P2RY14: variants seen among roughly 807,000 people sequenced by gnomAD.
The protein encoded by P2RY14 is P2Y purinoceptor 14.
A neutral mutation model predicts 0.9 loss-of-function variants in P2RY14; 2 were observed. The observed-to-expected ratio is 2.16, with a 90% CI of 0.88 to 6.79. The LOEUF (loss-of-function observed/expected upper bound fraction) is 6.79. Among genes scored for constraint, P2RY14 ranks in the 30% most tolerant of loss-of-function variants. The pLI, the probability that P2RY14 is intolerant of heterozygous loss-of-function variation, is 0.05. For synonymous variants in P2RY14, 158 were observed against 147.2 expected (o/e 1.07, Z -0.53); for missense variants, 378 against 400.1 (o/e 0.94, Z 0.47).
intron 1 of P2RY14, among the ~76,000 whole-genome samples, chr3:151,275,122 A>G (rs1329113784): frequency 6.6e-6 from 1 of 152,142 alleles, no homozygotes; most frequent in Non-Finnish European, 1.5e-5. Context: ...TCTGCTTGGT[A>G]TAAATGGCTC....
intron 1 of P2RY14, among the ~76,000 whole-genome samples, chr3:151,231,775 A>G (rs1261444627): frequency 6.6e-4 from 100 of 152,226 alleles, no homozygotes; most frequent in Admixed American, 6.5e-3. Flanking sequence ...AATATTACTG[A>G]GTAATAATCT....
At chr3:151,225,700 A>G (rs1201283804) in intron 1 of P2RY14, among the ~76,000 whole-genome samples, 1 of 152,138 alleles carries the variant, frequency 6.6e-6, no homozygotes, top group Non-Finnish European at 1.5e-5. Flanking sequence ...AGGCTCAGTC[A>G]AGGAGAATCT....
chr3:151,248,922 A>G (rs1265002636), intron 1 of P2RY14: 8 of 152,206 alleles, frequency 5.3e-5, no homozygotes, highest in African/African-American at 1.9e-4. Context: ...AACTGAGTGT[A>G]GCATTTGATG....
At chr3:151,236,321 C>T (rs949276068) in intron 1 of P2RY14, among the ~76,000 whole-genome samples, 4 of 152,182 alleles carry the variant, frequency 2.6e-5, no homozygotes, top group Non-Finnish European at 4.4e-5. Flanking sequence ...CTTCAATGTG[C>T]ATAGTAGATT....
At chr3:151,234,901 A>G (rs775545427) in intron 1 of P2RY14, among the ~76,000 whole-genome samples, 4 of 152,164 alleles carry the variant, frequency 2.6e-5, no homozygotes, top group South Asian at 2.1e-4. Context: ...TCTTTTACCT[A>G]TAATAAGAAT....
chr3:151,267,808 C>G (rs553755335), intron 1 of P2RY14, among the ~76,000 whole-genome samples: 1 of 152,070 alleles, frequency 6.6e-6, no homozygotes, highest in Non-Finnish European at 1.5e-5. Flanking sequence ...AAGAAAGGAA[C>G]CTTGCTAAAA....
At chr3:151,227,709 A>C (rs1730818935) in intron 1 of P2RY14, among the ~76,000 whole-genome samples, 1 of 152,208 alleles carries the variant, frequency 6.6e-6, no homozygotes, top group South Asian at 2.1e-4. Context: ...GAAAATGGCC[A>C]CCCACTGTTA....
At chr3:151,265,582 C>G (rs1739675465) in intron 1 of P2RY14, among the ~76,000 whole-genome samples, 1 of 152,164 alleles carries the variant, frequency 6.6e-6, no homozygotes, top group African/African-American at 2.4e-5. Flanking sequence ...CAGGGTTTCT[C>G]TCTAAGAAAA....
At chr3:151,275,549 C>A (rs1482033617) in intron 1 of P2RY14, among the ~76,000 whole-genome samples, 1 of 152,142 alleles carries the variant, frequency 6.6e-6, no homozygotes, top group Admixed American at 6.6e-5. Context: ...TTCACTTTGA[C>A]TTTAAAGAAC....
chr3:151,243,240 C>T (rs1383858083), intron 1 of P2RY14, among the ~76,000 whole-genome samples: 2 of 151,768 alleles, frequency 1.3e-5, no homozygotes, highest in East Asian at 1.9e-4. Flanking sequence ...GGCAGGCCAA[C>T]GTTCAGATTC....
chr3:151,214,630 CT>C (rs147953409), intron 2 of P2RY14, among the ~76,000 whole-genome samples: 1 of 149,266 alleles, frequency 6.7e-6, no homozygotes, highest in African/African-American at 2.5e-5. Context: ...TTCCTTCTTC[CT>C]TTTTTTTGGG....
At chr3:151,257,182 G>A (rs1195995645) in intron 1 of P2RY14, among the ~76,000 whole-genome samples, 2 of 152,178 alleles carry the variant, frequency 1.3e-5, no homozygotes, top group East Asian at 1.9e-4. Flanking sequence ...CGCCTGGAAA[G>A]CATATTTATG....
chr3:151,232,697 A>G (rs1474552099), intron 1 of P2RY14, among the ~76,000 whole-genome samples: 3 of 152,202 alleles, frequency 2.0e-5, no homozygotes, highest in African/African-American at 7.2e-5. Flanking sequence ...CAGAAAACCA[A>G]ATACCACATG....
At chr3:151,233,190 G>A (rs1732045325) in intron 1 of P2RY14, among the ~76,000 whole-genome samples, 3 of 152,070 alleles carry the variant, frequency 2.0e-5, no homozygotes, top group East Asian at 1.9e-4. Context: ...TGACGAGCCC[G>A]GCTGCCTCAC....
intron 1 of P2RY14, among the ~76,000 whole-genome samples, chr3:151,222,349 T>C (rs758830224): frequency 1.3e-5 from 2 of 152,198 alleles, no homozygotes; most frequent in Non-Finnish European, 2.9e-5. Flanking sequence ...TGTGAAGATA[T>C]GAGATTTGGG....
intron 2 of P2RY14, among the ~76,000 whole-genome samples, chr3:151,216,487 T>C (rs1728249240): frequency 6.6e-6 from 1 of 152,244 alleles, no homozygotes; most frequent in Non-Finnish European, 1.5e-5. Flanking sequence ...TGTGTGCTGC[T>C]TCCTACACAA....
At chr3:151,233,861 G>A (rs1314321668) in intron 1 of P2RY14, among the ~76,000 whole-genome samples, 1 of 152,198 alleles carries the variant, frequency 6.6e-6, no homozygotes, top group Non-Finnish European at 1.5e-5. Context: ...CCTGAATTGT[G>A]TGTTTTTTAT....
intron 2 of P2RY14, among the ~76,000 whole-genome samples, chr3:151,218,540 A>G (rs1020440759): frequency 1.3e-5 from 2 of 152,182 alleles, no homozygotes; most frequent in African/African-American, 4.8e-5. Context: ...GATCACATTT[A>G]AGAAAGATTC....
intron 1 of P2RY14, among the ~76,000 whole-genome samples, chr3:151,238,312 A>G (rs1267305095): frequency 6.6e-6 from 1 of 152,028 alleles, no homozygotes; most frequent in Non-Finnish European, 1.5e-5. Context: ...TTGGCCGGCT[A>G]ATTTTTGCAT....
Sources: gnomAD v4.1 joint callset for allele counts (sites outside exome capture counted in the v4.1 genomes callset) on GRCh38, gnomAD v4.1.1 for gene constraint, MANE v1.5 for transcripts, NCBI Gene and HGNC (gene_info 2026-07-23, HGNC 2026-07-21) for gene names.